The following VPS13D variants were observed in gnomAD, a reference collection of about 807,000 sequenced individuals.
VPS13D encodes the protein vacuolar protein sorting 13 homolog D.
VPS13D carries 187 observed loss-of-function variants against 461.9 expected under a neutral mutation model. That is an observed-to-expected ratio of 0.40 (90% CI 0.36 to 0.46). The LOEUF is 0.46. Ranked by LOEUF, VPS13D falls within the 20% of genes least tolerant of loss-of-function variation. VPS13D has a pLI of 0.60. For synonymous variants in VPS13D, 1,951 were observed against 1,986.3 expected, an observed-to-expected ratio of 0.98 and a Z score of 0.47; for missense variants, 4,711 against 5,364.9, an observed-to-expected ratio of 0.88 and a Z score of 3.81.
chr1:12,459,005 C>T lies in VPS13D; in HGVS notation c.12467-1196C>T, dbSNP rs60613478. On this transcript the variant is annotated intron_variant, in intron 66 of 69. Coordinates refer to ENST00000620676, the MANE Select transcript of VPS13D (RefSeq NM_015378.4). ...CTTCATGAAGGTTTTATATAATCGCCGATACCGAATTTCATCAAAGCATGC... is the reference window on the plus strand; with the variant it reads ...CTTCATGAAGGTTTTATATAATCGCTGATACCGAATTTCATCAAAGCATGC... 4.5e-3 allele frequency among the ~76,000 whole-genome samples: 681 copies of T among 152,288 alleles called. 7 individuals are homozygous for T. Among genetic ancestry groups the T allele is most frequent in the African/African-American group, 0.016 (663 of 41,554 alleles).
At chr1:12,387,682 TAAA>T (rs1004886304) in intron 60 of VPS13D, among the ~76,000 whole-genome samples, 1 of 152,072 alleles carries the variant, frequency 6.6e-6, no homozygotes, top group Non-Finnish European at 1.5e-5. Context: ...ATGGAAGACA[TAAA>T]AAAACTAAAG....
rs766976868 is a variant in VPS13D, at chr1:12,505,463, A to T, written c.12795-1390A>T. On this transcript the variant is annotated intron_variant, in intron 68 of 69. Coordinates refer to ENST00000620676, the MANE Select transcript of VPS13D (RefSeq NM_015378.4). The surrounding 1 kb of genome is among the most constrained non-coding windows in gnomAD (Gnocchi z 4.2). ...TGGCATTGCCAACCAGTTAGAATAG[A>T]ACAATAAATCCCAGTTTTTGTCATG... is the stretch of plus-strand genomic sequence containing the variant. Among the ~76,000 whole-genome samples the T allele has an allele frequency of 8.5e-5, 13 of 152,228 alleles. No homozygotes were observed. The highest frequency in any genetic ancestry group is 1.6e-4 in the Non-Finnish European group (11 of 68,038).
intron 60 of VPS13D, among the ~76,000 whole-genome samples, chr1:12,393,353 T>C (rs1377158309): frequency 6.6e-6 from 1 of 152,260 alleles, no homozygotes; most frequent in Non-Finnish European, 1.5e-5. Context: ...AGTAAAGGTA[T>C]ATTGCTAGCT....
Position 12,304,546 on chromosome 1 carries a change from A to C in VPS13D, c.6257A>C (p.His2086Pro). 2 of 1,614,090 alleles carry C rather than the reference A, an allele frequency of 1.2e-6. No individual in the cohort carries two copies. The highest frequency in any genetic ancestry group is 1.7e-6 in the Non-Finnish European group (2 of 1,180,014). The change falls in exon 26 of 70, where the codon CAC (histidine) becomes CCC (proline). Residue 2086 changes from histidine to proline, a missense_variant. Physicochemically the swap from His to Pro is moderately conservative, Grantham distance 77. This residue lies in a region of VPS13D where 4,411 missense variants were observed against 4,937.8 expected (regional missense o/e 0.89). Transcript: ENST00000620676. ...PSASPTGIPK[H>P]SLRKTTSTEE... The stretch of plus-strand genomic sequence containing the variant: ...GCTTCCCCAACGGGTATTCCCAAAC[A>C]CAGTCTGAGGAAAACGACAAGCACG...
chr1:12,327,095 C>T (rs1388093910), intron 35 of VPS13D, among the ~76,000 whole-genome samples: 1 of 152,198 alleles, frequency 6.6e-6, no homozygotes, highest in African/African-American at 2.4e-5. Context: ...ACTCATTCTT[C>T]CCTCTTCCTG....
rs758871369 is a variant in VPS13D at position 12,277,249 on chromosome 1, C to G, written c.3661C>G (p.Gln1221Glu). ...FDMNGSLGCL[Q>E]LMDLTQDNVK... is the part of the protein sequence containing the mutation. Reference sequence around the variant, plus strand: ...CATGAATGGTTCTCTTGGCTGTTTACAGCTTATGGATTTGACACAAGATAA... The same window carrying G: ...CATGAATGGTTCTCTTGGCTGTTTAGAGCTTATGGATTTGACACAAGATAA... The change falls in exon 19 of 70, where the codon CAG becomes GAG. Residue 1221 changes from glutamine to glutamate, a missense_variant. Physicochemically the swap from Gln to Glu is conservative, Grantham distance 29. Coordinates refer to ENST00000620676, the MANE Select transcript of VPS13D (RefSeq NM_015378.4). The G allele has an allele frequency of 2.5e-6, 4 of 1,614,196 alleles. No homozygotes were observed. The highest frequency in any genetic ancestry group is 3.4e-6 in the Non-Finnish European group (4 of 1,180,040).
intron 67 of VPS13D, among the ~76,000 whole-genome samples, chr1:12,483,185 C>G (rs1645747655): frequency 6.6e-6 from 1 of 152,210 alleles, no homozygotes; most frequent in Non-Finnish European, 1.5e-5. Flanking sequence ...ACTCCTCCAG[C>G]CGTGTACCAG....
chr1:12,452,272 C>T (rs765913170), intron 65 of VPS13D, among the ~76,000 whole-genome samples: 2 of 152,244 alleles, frequency 1.3e-5, no homozygotes, highest in Non-Finnish European at 2.9e-5. Context: ...GGACCTCTAT[C>T]TCCAGGCTTT....
intron 66 of VPS13D, among the ~76,000 whole-genome samples, chr1:12,459,173 A>G (rs751440093): frequency 6.6e-6 from 1 of 152,214 alleles, no homozygotes; most frequent in Non-Finnish European, 1.5e-5. Flanking sequence ...TGGGGGGAAA[A>G]AAGATTTCAC....
At chr1:12,419,496 C>G (rs1644835588) in intron 65 of VPS13D, among the ~76,000 whole-genome samples, 1 of 152,196 alleles carries the variant, frequency 6.6e-6, no homozygotes, top group Non-Finnish European at 1.5e-5. Flanking sequence ...ATGCCAGCAT[C>G]TGCTTCTGGC....
chr1:12,500,912 G>A (rs371155981), intron 68 of VPS13D, among the ~76,000 whole-genome samples: 1 of 151,594 alleles, frequency 6.6e-6, no homozygotes, highest in Non-Finnish European at 1.5e-5. Context: ...AAGTTAGCCG[G>A]GCATGGTGGC....
intron 65 of VPS13D, among the ~76,000 whole-genome samples, chr1:12,426,484 A>G (rs1171429688): frequency 6.6e-6 from 1 of 152,206 alleles, no homozygotes; most frequent in Non-Finnish European, 1.5e-5. Flanking sequence ...AGAATTAGGG[A>G]GAGTTGTGCA....
intron 3 of VPS13D, 150 bp from the exon 4 acceptor site, chr1:12,244,096 C>A: frequency 1.4e-6 from 1 of 717,526 alleles, no homozygotes; most frequent in Non-Finnish European, 2.2e-6. Flanking sequence ...ACTTGTTTCA[C>A]ATGTGCAAGA....
At chr1:12,388,150 A>G (rs1644373638) in intron 60 of VPS13D, among the ~76,000 whole-genome samples, 1 of 152,258 alleles carries the variant, frequency 6.6e-6, no homozygotes, top group East Asian at 1.9e-4. Flanking sequence ...ATGGAAGTCT[A>G]TTAGTGTAAT....
At chr1:12,278,128 CCTTTT>C in intron 19 of VPS13D, 90 bp downstream of exon 19, 1 of 1,345,598 alleles carries the variant, frequency 7.4e-7, no homozygotes, top group South Asian at 1.5e-5. Context: ...ACAATAAAAT[CCTTTT>C]CTTTTAGAAT....
intron 67 of VPS13D, among the ~76,000 whole-genome samples, chr1:12,482,803 A>G (rs940648613): frequency 6.7e-6 from 1 of 150,142 alleles, no homozygotes; most frequent in African/African-American, 2.4e-5. Flanking sequence ...TATATATACT[A>G]GTATATATAT....
intron 65 of VPS13D, among the ~76,000 whole-genome samples, chr1:12,434,570 G>A (rs962117739): frequency 1.3e-5 from 2 of 152,102 alleles, no homozygotes; most frequent in African/African-American, 2.4e-5. Flanking sequence ...CTGTACTTTC[G>A]TTTGTTTATT....
At chr1:12,500,116 G>A in intron 68 of VPS13D, 6 of 985,328 alleles carry the variant, frequency 6.1e-6, no homozygotes, top group Non-Finnish European at 6.0e-6. Flanking sequence ...ACCCCACGAA[G>A]TCCCCAGTGC....
chr1:12,432,060 T>C (rs1644998501), intron 65 of VPS13D, among the ~76,000 whole-genome samples: 1 of 152,144 alleles, frequency 6.6e-6, no homozygotes, highest in Non-Finnish European at 1.5e-5. Flanking sequence ...CTCTGTATGT[T>C]GTTAGAATTG....
Sources: allele counts gnomAD v4.1 joint callset (sites outside exome capture counted in the v4.1 genomes callset), GRCh38; gene constraint gnomAD v4.1.1; regional missense constraint gnomAD v4.1.1; non-coding constraint Gnocchi (gnomAD v3.1); transcripts MANE v1.5; gene names NCBI Gene and HGNC (gene_info 2026-07-23, HGNC 2026-07-21).